ATP1A2: variants seen among roughly 807,000 people sequenced by gnomAD.
ATP1A2 encodes the protein sodium/potassium-transporting ATPase subunit alpha-2.
A neutral mutation model predicts 113.1 loss-of-function variants in ATP1A2; 56 were observed. That is an observed-to-expected ratio of 0.49 (90% CI 0.40 to 0.62). The LOEUF (loss-of-function observed/expected upper bound fraction) is 0.62. ATP1A2 is among the 20% of genes least tolerant of loss of function. ATP1A2 has a pLI of 0.00. For synonymous variants in ATP1A2, 490 were observed against 526.8 expected (o/e 0.93, Z 0.96); for missense variants, 712 against 1,357.8 (o/e 0.52, Z 7.47).
At chr1:160,130,714 CAG>C in intron 13 of ATP1A2, 117 bp downstream of exon 13, 1 of 1,405,328 alleles carries the variant, frequency 7.1e-7, no homozygotes, top group Non-Finnish European at 9.8e-7. Context: ...CCCACTGACT[CAG>C]AGAAGAAGCT....
chr1:160,128,390 A>G (rs1477239406), intron 8 of ATP1A2: 2 of 954,546 alleles, frequency 2.1e-6, no homozygotes, highest in Admixed American at 4.1e-5. Context: ...TGACTCAGAC[A>G]TCCCTATGCT....
At chr1:160,127,926 G>A in intron 8 of ATP1A2, 106 bp downstream of exon 8, 1 of 1,453,198 alleles carries the variant, frequency 6.9e-7, no homozygotes, top group Admixed American at 2.3e-5. Flanking sequence ...TTTCCCCCTA[G>A]AGTCACTTAT....
chr1:160,142,025 G>A lies in ATP1A2; in HGVS notation c.*703G>A, dbSNP rs57902482. 2,182 of 153,764 alleles carry A rather than the reference G, an allele frequency of 0.014. 59 individuals are homozygous for A. The highest frequency in any genetic ancestry group is 0.049 in the African/African-American group (2,045 of 41,536). 9.5% of individuals were successfully genotyped at this position (153,764 alleles called of 1,614,324 possible). A position where few individuals can be genotyped will look rare whatever the true frequency, so the allele number is the denominator to read the frequency against. On this transcript the variant is annotated 3_prime_UTR_variant, in exon 23 of 23. Coordinates refer to ENST00000361216, the MANE Select transcript of ATP1A2 (RefSeq NM_000702.4). ...TAGATGTCGTGGACTCCAGCTCTAC[G>A]TCCCACATTTTAGAATACCCCACCA... is the stretch of plus-strand genomic sequence containing the variant.
chr1:160,121,157 C>A (rs1267368442), intron 2 of ATP1A2, 35 bp from the exon 3 acceptor site: 2 of 1,613,296 alleles, frequency 1.2e-6, no homozygotes, highest in Admixed American at 3.3e-5. Flanking sequence ...TCTTAGATAC[C>A]TCCTCCCCAA....
chr1:160,130,858 C>A (rs1651750096), intron 13 of ATP1A2, among the ~76,000 whole-genome samples: 1 of 152,206 alleles, frequency 6.6e-6, no homozygotes, highest in Admixed American at 6.5e-5. Context: ...GCATGTGTAC[C>A]CTTCCATTCT....
At chr1:160,128,885 A>G in intron 9 of ATP1A2, 35 bp downstream of exon 9, 1 of 1,613,428 alleles carries the variant, frequency 6.2e-7, no homozygotes, top group Non-Finnish European at 8.5e-7. Flanking sequence ...GGATAGGATT[A>G]GAGGAGGCTG....
chr1:160,132,856 G>C lies in ATP1A2; in HGVS notation c.1828-1628G>C, dbSNP rs377586351. ...TGTTGTATTATATTGCCCAGAAAGA[G>C]CAGACAGGTCAAGTGAAGGGAGGAG... On this transcript the variant is annotated intron_variant, in intron 13 of 22. Transcript: ENST00000361216. Among the ~76,000 whole-genome samples the C allele has an allele frequency of 9.1e-4, 138 of 152,254 alleles. 1 individual carries two copies. Among genetic ancestry groups the C allele is most frequent in the African/African-American group, 3.3e-3 (135 of 41,536 alleles).
chr1:160,127,864 A>C, intron 8 of ATP1A2, 44 bp downstream of exon 8: 2 of 1,541,376 alleles, frequency 1.3e-6, no homozygotes, highest in Non-Finnish European at 1.7e-6. Flanking sequence ...GGGTCTCACT[A>C]CTCTTTCCTC....
chr1:160,122,278 T>G (rs1275752136), intron 3 of ATP1A2, among the ~76,000 whole-genome samples: 2 of 152,202 alleles, frequency 1.3e-5, no homozygotes, highest in Admixed American at 1.3e-4. Flanking sequence ...GGCACTAATA[T>G]GTATTTGTTT....
At chr1:160,120,073 C>T (rs1301260869) in intron 1 of ATP1A2, among the ~76,000 whole-genome samples, 1 of 151,850 alleles carries the variant, frequency 6.6e-6, no homozygotes, top group Non-Finnish European at 1.5e-5. Context: ...AATGTCTAGA[C>T]TTAAAAACTA....
At chr1:160,129,505 G>T in intron 11 of ATP1A2, 105 bp downstream of exon 11, 5 of 1,549,144 alleles carry the variant, frequency 3.2e-6, no homozygotes, top group Non-Finnish European at 4.4e-6. Flanking sequence ...GTGTCTGAGG[G>T]TCATGTTCCC....
rs181163663 is a variant in ATP1A2 at position 160,123,916 on chromosome 1, G to T, written c.382-27G>T. 287 of 1,609,950 alleles carry T rather than the reference G, an allele frequency of 1.8e-4. 1 individual carries two copies. The African/African-American group carries it at 2.2e-3, about 12-fold the overall frequency. The stretch of plus-strand genomic sequence containing the variant: ...CCTTTAGGGTTGGGGGGAAGGTCAG[G>T]TCCCTGAAACTCTTTCTCCTTACCA... On this transcript the variant is annotated intron_variant, in intron 4 of 22. Coordinates refer to ENST00000361216, the MANE Select transcript of ATP1A2 (RefSeq NM_000702.4).
intron 3 of ATP1A2, among the ~76,000 whole-genome samples, chr1:160,122,793 G>A (rs1489552871): frequency 6.6e-6 from 1 of 152,102 alleles, no homozygotes; most frequent in Non-Finnish European, 1.5e-5. Flanking sequence ...CTGCGCTCCA[G>A]CCTGGGCAAC....
chr1:160,120,771 C>T, intron 1 of ATP1A2, 135 bp from the exon 2 acceptor site: 3 of 847,182 alleles, frequency 3.5e-6, no homozygotes, highest in South Asian at 3.1e-5. Flanking sequence ...CACCCTCCAT[C>T]CCCCCTATCT....
chr1:160,118,543 C>T (rs989491836), intron 1 of ATP1A2, among the ~76,000 whole-genome samples: 1 of 152,190 alleles, frequency 6.6e-6, no homozygotes, highest in Non-Finnish European at 1.5e-5. Flanking sequence ...ACAAGCCTTT[C>T]CCCACCCCTT....
chr1:160,117,412 G>A (rs1038617471), intron 1 of ATP1A2, among the ~76,000 whole-genome samples: 8 of 152,150 alleles, frequency 5.3e-5, no homozygotes, highest in Non-Finnish European at 8.8e-5. Context: ...AGGAGGTCTT[G>A]CTTGGGAAGT....
chr1:160,130,600 A>G lies in ATP1A2; in HGVS notation c.1827+3A>G, dbSNP rs377238291. On this transcript the variant is annotated splice_donor_region_variant and intron_variant, in intron 13 of 22. Transcript: ENST00000361216. ...AGTGCCGAAGCGCAGGCATCAAGGT[A>G]CTGGCCTCCCATCCTCCCCTCCATT... The G allele has an allele frequency of 5.6e-6, 9 of 1,614,086 alleles. No individual in the cohort carries two copies. Among genetic ancestry groups the G allele is most frequent in the African/African-American group, 4.0e-5 (3 of 75,040 alleles).
At chr1:160,121,374 A>T in intron 3 of ATP1A2, 123 bp downstream of exon 3, 1 of 1,186,234 alleles carries the variant, frequency 8.4e-7, no homozygotes, top group Non-Finnish European at 1.2e-6. Flanking sequence ...GAGGCCCAGA[A>T]ACAAGGACTG....
chr1:160,141,209 T>C, intron 22 of ATP1A2, 85 bp from the exon 23 acceptor site: 2 of 1,565,622 alleles, frequency 1.3e-6, no homozygotes, highest in Non-Finnish European at 1.8e-6. Flanking sequence ...TCCACCTGGC[T>C]TCAGCGACCC....
Sources: allele counts gnomAD v4.1 joint callset (sites outside exome capture counted in the v4.1 genomes callset), GRCh38; gene constraint gnomAD v4.1.1; transcripts MANE v1.5; gene names NCBI Gene and HGNC (gene_info 2026-07-23, HGNC 2026-07-21).